The following ADK variants were observed in gnomAD, a reference collection of about 807,000 sequenced individuals.
ADK encodes the protein N6,N6-dimethyladenosine kinase.
In ADK, 24 loss-of-function variants were observed where a neutral mutation model predicts 44.7. The ratio of observed to expected loss-of-function variants is 0.54; its 90% CI spans 0.39 to 0.76. The LOEUF is 0.76. Among genes scored for constraint, ADK ranks in the 30% least tolerant of loss-of-function variants. The pLI, the probability that ADK is intolerant of heterozygous loss-of-function variation, is 0.00. For synonymous variants in ADK, 128 were observed against 142.6 expected, an observed-to-expected ratio of 0.90 and a Z score of 0.73; for missense variants, 321 against 425.1, an observed-to-expected ratio of 0.76 and a Z score of 2.15.
chr10:74,510,100 A>G (rs1184607301), intron 6 of ADK, among the ~76,000 whole-genome samples: 1 of 152,196 alleles, frequency 6.6e-6, no homozygotes, highest in Non-Finnish European at 1.5e-5. Context: ...ATAAATTCCT[A>G]GTAGTAGGAT....
chr10:74,691,745 G>A (rs151243252), intron 10 of ADK, among the ~76,000 whole-genome samples: 206 of 152,238 alleles, frequency 1.4e-3, no homozygotes, highest in African/African-American at 4.7e-3. Context: ...TATAATGCAT[G>A]TAATTTTAAA....
rs187497317 is a variant in ADK, at chr10:74,352,295, G to T, written c.273+37550G>T. ...ACACATCTACAACCATCTGATCTTT[G>T]ACAAATCTGACAAAAACAAGCAATG... is the stretch of plus-strand genomic sequence containing the variant. On this transcript the variant is annotated intron_variant, in intron 4 of 10. Transcript: ENST00000539909. Among the ~76,000 whole-genome samples, 1,507 of 152,238 alleles carry T rather than the reference G, an allele frequency of 9.9e-3. 91 individuals are homozygous for T. Among genetic ancestry groups the T allele is most frequent in the Admixed American group, 0.09 (1,380 of 15,274 alleles).
At chr10:74,347,856 C>T (rs61866073) in intron 4 of ADK, among the ~76,000 whole-genome samples, 71,515 of 151,894 alleles carry the variant, frequency 0.47, 19,760 homozygotes, top group Non-Finnish European at 0.62. Context: ...TGGCCAGACT[C>T]CCTGTCTAGA....
At chr10:74,470,680 A>C (rs1053697288) in intron 6 of ADK, among the ~76,000 whole-genome samples, 6 of 150,346 alleles carry the variant, frequency 4.0e-5, no homozygotes, top group Non-Finnish European at 8.8e-5. Context: ...ATATATTCTG[A>C]ATATTGATCC....
At chr10:74,541,675 C>G (rs1216602775) in intron 7 of ADK, among the ~76,000 whole-genome samples, 2 of 151,614 alleles carry the variant, frequency 1.3e-5, no homozygotes, top group Admixed American at 6.6e-5. Flanking sequence ...TTCCTGTAGT[C>G]CCAACTACTT....
intron 6 of ADK, among the ~76,000 whole-genome samples, chr10:74,455,788 C>T (rs1431661142): frequency 1.3e-5 from 2 of 152,110 alleles, no homozygotes; most frequent in Non-Finnish European, 2.9e-5. Context: ...GGATTACAGG[C>T]GTGAAAATTC....
intron 1 of ADK, among the ~76,000 whole-genome samples, chr10:74,188,343 ATTTTTT>A (rs765922880): frequency 8.6e-5 from 7 of 81,368 alleles, no homozygotes; most frequent in East Asian, 6.5e-4. Context: ...TGTATTTTTA[ATTTTTT>A]TTTTTTTTTT....
chr10:74,635,388 TGAA>T (rs2134079051), intron 9 of ADK, among the ~76,000 whole-genome samples: 1 of 152,318 alleles, frequency 6.6e-6, no homozygotes, highest in South Asian at 2.1e-4. Flanking sequence ...CCTTCAGTGA[TGAA>T]GGTGATATTA....
At chr10:74,463,225 T>C (rs951669235) in intron 6 of ADK, among the ~76,000 whole-genome samples, 25 of 152,150 alleles carry the variant, frequency 1.6e-4, no homozygotes, top group African/African-American at 2.4e-5. Flanking sequence ...GGAGGGGTGG[T>C]TTCAGGATTA....
chr10:74,240,671 G>C (rs1006878627), intron 3 of ADK, among the ~76,000 whole-genome samples: 3 of 152,146 alleles, frequency 2.0e-5, no homozygotes, highest in African/African-American at 7.2e-5. Flanking sequence ...TGAGAACCTA[G>C]TGTGTGATAA....
chr10:74,154,748 A>G (rs1215888312), intron 1 of ADK, among the ~76,000 whole-genome samples: 1 of 152,154 alleles, frequency 6.6e-6, no homozygotes, highest in Non-Finnish European at 1.5e-5. Flanking sequence ...TGAGACCTAG[A>G]TATTTGATTC....
chr10:74,685,911 T>C (rs1358815967), intron 10 of ADK, among the ~76,000 whole-genome samples: 2 of 152,054 alleles, frequency 1.3e-5, no homozygotes, highest in African/African-American at 4.8e-5. Context: ...AAGGAAGATA[T>C]TATAACAGTG....
chr10:74,527,882 GA>G, intron 7 of ADK: 1 of 857,014 alleles, frequency 1.2e-6, no homozygotes. Flanking sequence ...GTCAGTACAG[GA>G]AAAGGCAAGA....
rs746626929 is a variant in ADK, at chr10:74,242,606, C to A, written c.194+18015C>A. On this transcript the variant is annotated intron_variant, in intron 3 of 10. Coordinates refer to ENST00000539909, the MANE Select transcript of ADK (RefSeq NM_006721.4). ...AATAGGGGTGGGTCCCTGGTGAAACCCCACCTCCAAGGTGAAAAGCTTGAA... is the reference window on the plus strand; with the variant it reads ...AATAGGGGTGGGTCCCTGGTGAAACACCACCTCCAAGGTGAAAAGCTTGAA... Among the ~76,000 whole-genome samples, 18 of 152,020 alleles carry A rather than the reference C, an allele frequency of 1.2e-4. No homozygotes were observed. The Middle Eastern group carries it at 0.01, about 86-fold the overall frequency.
intron 1 of ADK, among the ~76,000 whole-genome samples, chr10:74,180,846 CA>C (rs1174525025): frequency 2.0e-5 from 3 of 152,196 alleles, no homozygotes; most frequent in Admixed American, 6.5e-5. Context: ...CCACCGCCCC[CA>C]GCCCCATTTC....
intron 1 of ADK, chr10:74,176,647 T>C: frequency 7.1e-7 from 1 of 1,411,012 alleles, no homozygotes; most frequent in East Asian, 2.6e-5. Flanking sequence ...CCACGGCGTC[T>C]GGGGACGATC....
At chr10:74,580,422 A>C (rs1851334214) in intron 7 of ADK, among the ~76,000 whole-genome samples, 1 of 152,064 alleles carries the variant, frequency 6.6e-6, no homozygotes, top group South Asian at 2.1e-4. Flanking sequence ...TTAAAAATAC[A>C]AAATTAGCCA....
intron 7 of ADK, among the ~76,000 whole-genome samples, chr10:74,575,000 C>A (rs180829689): frequency 6.6e-6 from 1 of 152,108 alleles, no homozygotes; most frequent in Admixed American, 6.5e-5. Flanking sequence ...AAACAGAGTA[C>A]AAATAAATTA....
At chr10:74,695,472 A>G (rs1057505236) in intron 10 of ADK, among the ~76,000 whole-genome samples, 58 of 148,638 alleles carry the variant, frequency 3.9e-4, no homozygotes, top group South Asian at 1.5e-3. Context: ...GTATATATAT[A>G]TGTGTGTGTG....
Sources: gnomAD v4.1 joint callset for allele counts (sites outside exome capture counted in the v4.1 genomes callset) on GRCh38, gnomAD v4.1.1 for gene constraint, MANE v1.5 for transcripts, NCBI Gene and HGNC (gene_info 2026-07-23, HGNC 2026-07-21) for gene names.